Variants in ANKRD28 observed in about 807,000 individuals in gnomAD.
ANKRD28 encodes the protein ankyrin repeat domain 28, also known as serine/threonine-protein phosphatase 6 regulatory ankyrin repeat subunit A.
A neutral mutation model predicts 126.5 loss-of-function variants in ANKRD28; 44 were observed. The ratio of observed to expected loss-of-function variants is 0.35; its 90% CI spans 0.27 to 0.45. ANKRD28 has a LOEUF of 0.45. ANKRD28 is among the 20% of genes least tolerant of loss of function. The pLI is 1.00. For missense variants in ANKRD28, 1,110 were observed against 1,316.6 expected (o/e 0.84, Z 2.43); for synonymous variants, 442 against 468.5 (o/e 0.94, Z 0.73).
intron 1 of ANKRD28, among the ~76,000 whole-genome samples, chr3:15,847,893 T>C (rs1197373063): frequency 1.3e-5 from 2 of 152,214 alleles, no homozygotes; most frequent in African/African-American, 2.4e-5. Context: ...TGGCTCATGA[T>C]TGCTTTCAGA....
intron 1 of ANKRD28, among the ~76,000 whole-genome samples, chr3:15,811,179 T>C (rs1179056978): frequency 1.3e-5 from 2 of 152,208 alleles, no homozygotes; most frequent in Non-Finnish European, 2.9e-5. Context: ...GACACTGTTA[T>C]TCTAGAGTCT....
At chr3:15,751,450 G>A (rs1342317802) in intron 4 of ANKRD28, among the ~76,000 whole-genome samples, 1 of 152,112 alleles carries the variant, frequency 6.6e-6, no homozygotes, top group East Asian at 1.9e-4. Flanking sequence ...AGAGACTATT[G>A]TAAATAGGTA....
chr3:15,776,338 T>A (rs978895086), intron 2 of ANKRD28, among the ~76,000 whole-genome samples: 2 of 152,172 alleles, frequency 1.3e-5, no homozygotes, highest in African/African-American at 2.4e-5. Flanking sequence ...AATAGCTGCA[T>A]CATTCAAAAT....
Position 15,767,989 on chromosome 3 carries a change from T to C in ANKRD28, c.202-1677A>G, listed in dbSNP as rs1020659368. 3.3e-5 allele frequency among the ~76,000 whole-genome samples: 5 copies of C among 152,150 alleles called. 1 individual carries two copies. The highest frequency in any genetic ancestry group is 4.1e-4 in the South Asian group (2 of 4,832). On this transcript the variant is annotated intron_variant, in intron 2 of 27. Coordinates refer to ENST00000683139, the MANE Select transcript of ANKRD28 (RefSeq NM_001349278.2). ...ACAGGCTGGAAGGCACATGTGAAAC[T>C]GAGCCCCTTTGACCATGGAAATGCA...
intron 6 of ANKRD28, among the ~76,000 whole-genome samples, chr3:15,724,767 C>T (rs147802968): frequency 0.015 from 2,262 of 151,912 alleles, 28 homozygotes; most frequent in Non-Finnish European, 0.025. Context: ...TCACTTGAGC[C>T]CAGGAATTTG....
At chr3:15,844,179 A>C (rs1174827303) in intron 1 of ANKRD28, among the ~76,000 whole-genome samples, 1 of 152,226 alleles carries the variant, frequency 6.6e-6, no homozygotes, top group African/African-American at 2.4e-5. Flanking sequence ...TGAGCAAAGA[A>C]GTATCAATCA....
chr3:15,753,813 C>G (rs1360498191), intron 3 of ANKRD28, among the ~76,000 whole-genome samples: 3 of 151,928 alleles, frequency 2.0e-5, no homozygotes, highest in African/African-American at 7.3e-5. Context: ...TGTGGTGGCC[C>G]GCGTGCACCT....
At chr3:15,698,302 TG>T (rs2069991126) in intron 14 of ANKRD28, among the ~76,000 whole-genome samples, 2 of 152,190 alleles carry the variant, frequency 1.3e-5, no homozygotes, top group African/African-American at 4.8e-5. Context: ...GGGCAAAAAC[TG>T]GAAGCATTCC....
chr3:15,795,865 CTAAATA>C (rs566850518), intron 1 of ANKRD28, among the ~76,000 whole-genome samples: 65 of 152,188 alleles, frequency 4.3e-4, no homozygotes, highest in Non-Finnish European at 7.2e-4. Flanking sequence ...ACATGCATAA[CTAAATA>C]TAATAATTTC....
intron 3 of ANKRD28, among the ~76,000 whole-genome samples, chr3:15,765,225 T>C (rs1335728874): frequency 2.6e-5 from 4 of 152,142 alleles, no homozygotes; most frequent in Non-Finnish European, 5.9e-5. Context: ...GGACTGCACG[T>C]AGTCTGACCA....
intron 2 of ANKRD28, among the ~76,000 whole-genome samples, chr3:15,778,273 A>C (rs527611867): frequency 5.9e-5 from 9 of 152,208 alleles, no homozygotes; most frequent in Non-Finnish European, 1.2e-4. Context: ...ATTTTAAAAA[A>C]GTGCAACAGC....
intron 8 of ANKRD28, among the ~76,000 whole-genome samples, chr3:15,716,618 CAT>C (rs2073089311): frequency 6.6e-6 from 1 of 151,964 alleles, no homozygotes; most frequent in Non-Finnish European, 1.5e-5. Flanking sequence ...TAAGGAAAAA[CAT>C]AGATTCCATT....
chr3:15,742,287 G>A (rs1575483223), intron 4 of ANKRD28, among the ~76,000 whole-genome samples: 1 of 149,350 alleles, frequency 6.7e-6, no homozygotes, highest in South Asian at 2.1e-4. Flanking sequence ...CATCTAGGAA[G>A]TGAGGAGCGC....
intron 4 of ANKRD28, among the ~76,000 whole-genome samples, chr3:15,745,054 T>G (rs2057386408): frequency 6.6e-6 from 1 of 152,236 alleles, no homozygotes; most frequent in African/African-American, 2.4e-5. Context: ...AATTGTCTAT[T>G]CATGTCCTTA....
intron 1 of ANKRD28, among the ~76,000 whole-genome samples, chr3:15,849,471 T>C (rs1213719073): frequency 6.6e-6 from 1 of 152,210 alleles, no homozygotes; most frequent in African/African-American, 2.4e-5. Context: ...GTTGAAAACA[T>C]TAGAGAAATT....
At chr3:15,719,902 ACT>A (rs1379506642) in intron 8 of ANKRD28, among the ~76,000 whole-genome samples, 1 of 151,644 alleles carries the variant, frequency 6.6e-6, no homozygotes, top group Non-Finnish European at 1.5e-5. Context: ...ACAGGGTCTC[ACT>A]CTGTCACCCA....
intron 1 of ANKRD28, among the ~76,000 whole-genome samples, chr3:15,807,032 G>T (rs1307742231): frequency 6.6e-6 from 1 of 152,188 alleles, no homozygotes; most frequent in East Asian, 1.9e-4. Context: ...GTTATCCAAT[G>T]CCATCATATA....
chr3:15,761,617 ATTC>A (rs1458064255), intron 3 of ANKRD28, among the ~76,000 whole-genome samples: 1 of 152,176 alleles, frequency 6.6e-6, no homozygotes, highest in Non-Finnish European at 1.5e-5. Context: ...TCTGAAGACT[ATTC>A]TTCTGATATT....
chr3:15,859,592 G>A, exon 1 of ANKRD28: 2 of 199,040 alleles, frequency 1.0e-5, no homozygotes, highest in Non-Finnish European at 1.8e-5. Context: ...CGCCGCCGCC[G>A]CCGCCGCCGC....
Sources: allele counts gnomAD v4.1 joint callset (sites outside exome capture counted in the v4.1 genomes callset), GRCh38; gene constraint gnomAD v4.1.1; transcripts MANE v1.5; gene names NCBI Gene and HGNC (gene_info 2026-07-23, HGNC 2026-07-21).